The following CDCA5 variants were observed in gnomAD, a reference collection of about 807,000 sequenced individuals.
CDCA5 encodes cell division cycle associated 5.
In CDCA5, 14 loss-of-function variants were observed where a neutral mutation model predicts 25.7. That is an observed-to-expected ratio of 0.54 (90% confidence interval 0.36 to 0.85). CDCA5 has a LOEUF of 0.85. Among genes scored for constraint, CDCA5 ranks in the 40% least tolerant of loss-of-function variants. The probability of loss-of-function intolerance (pLI) is 0.01; values close to 1 mark genes in which losing one functional copy is unlikely to be tolerated. For synonymous variants in CDCA5, 127 were observed against 128.7 expected, an observed-to-expected ratio of 0.99 and a Z score of 0.09; for missense variants, 307 against 324.5, an observed-to-expected ratio of 0.95 and a Z score of 0.41.
At chr11:65,064,310 C>T (rs1267684536), downstream of CDCA5, among the ~76,000 whole-genome samples, 1 of 147,838 alleles carries the variant, frequency 6.8e-6, no homozygotes, top group Non-Finnish European at 1.5e-5. Flanking sequence ...CCCAGCTACT[C>T]GGGAGGCTGA....
At chr11:65,065,746 T>C (rs548825481), downstream of CDCA5, among the ~76,000 whole-genome samples, 3 of 151,818 alleles carry the variant, frequency 2.0e-5, no homozygotes, top group African/African-American at 4.8e-5. Flanking sequence ...TGGAGGGGGG[T>C]TGGGGGCTCC....
At chr11:65,066,731 C>T (rs1310542454) in intron 5 of CDCA5, 57 of 1,287,462 alleles carry the variant, frequency 4.4e-5, no homozygotes, top group Non-Finnish European at 5.6e-5. Context: ...TGCAGGACAA[C>T]CCGAAGCCCC....
intron 6 of CDCA5, chr11:65,066,530 G>A (rs1348712216): frequency 4.7e-6 from 6 of 1,289,206 alleles, no homozygotes; most frequent in Non-Finnish European, 4.0e-6. Context: ...TTCCCTCCCC[G>A]CTGCCATGGC....
At chr11:65,079,815 C>T in intron 4 of CDCA5, 28 bp from the exon 5 acceptor site, 1 of 1,441,544 alleles carries the variant, frequency 6.9e-7, no homozygotes, top group Non-Finnish European at 9.2e-7. Context: ...AGGGGATGCC[C>T]TCAATACTTA....
At chr11:65,068,171 A>T in intron 2 of CDCA5, 1 of 1,143,642 alleles carries the variant, frequency 8.7e-7, no homozygotes, top group Non-Finnish European at 1.2e-6. Flanking sequence ...TGCTCACCCA[A>T]GAGCCTGGGT....
rs1947501602 is a variant in CDCA5 at position 65,079,078 on chromosome 11, G to A, written c.*29C>T. On this transcript the variant is annotated 3_prime_UTR_variant, in exon 6 of 6. Coordinates refer to ENST00000275517, the MANE Select transcript of CDCA5 (RefSeq NM_080668.4). ...GGCTATGTACAGGACAGGAGGGAGA[G>A]TCTGGCCAGGTGCACCCCCCACTGC... 2.0e-6 allele frequency: 3 copies of A among 1,508,858 alleles called. No homozygotes were observed. The Admixed American group carries it at 6.9e-5, about 35-fold the overall frequency. 93.5% of individuals were successfully genotyped at this position (1,508,858 alleles called of 1,614,324 possible). A position where few individuals can be genotyped will look rare whatever the true frequency, so the allele number is the denominator to read the frequency against.
At chr11:65,082,467 T>TA in intron 4 of CDCA5, among the ~76,000 whole-genome samples, 1 of 148,868 alleles carries the variant, frequency 6.7e-6, no homozygotes, top group East Asian at 2.0e-4. Flanking sequence ...GTCTTTTTTT[T>TA]TTTTTTTTTT....
rs938276088 is a variant in CDCA5 at position 65,078,069 on chromosome 11, C to T, written c.*1038G>A. Reference sequence around the variant, plus strand: ...TTCTCATGTGAGAGGATAGGGAGGCCAAAAACTAAAATTGCTATCAGCCCC... The same window carrying T: ...TTCTCATGTGAGAGGATAGGGAGGCTAAAAACTAAAATTGCTATCAGCCCC... On this transcript the variant is annotated 3_prime_UTR_variant, in exon 6 of 6. Transcript: ENST00000275517. 1.0e-6 allele frequency: 1 copy of T among 985,172 alleles called. No individual in the cohort carries two copies. The highest frequency in any genetic ancestry group is 6.2e-5 in the Admixed American group (1 of 16,250). The allele number at this position is 985,172 out of a possible 1,614,324, so 61.0% of individuals were successfully genotyped here.
In CDCA5 at chr11:65,077,722, C is replaced by T. The variant is rs1430435145; in HGVS notation, c.*1385G>A. The T allele has an allele frequency of 2.0e-6, 2 of 985,440 alleles. No individual in the cohort carries two copies. The highest frequency in any genetic ancestry group is 2.4e-6 in the Non-Finnish European group (2 of 830,022). The allele number at this position is 985,440 out of a possible 1,614,324, so 61.0% of individuals were successfully genotyped here. On this transcript the variant is annotated 3_prime_UTR_variant, in exon 6 of 6. Transcript: ENST00000275517. ...GGGCTTGCTTGCAGGTCTGACAAAC[C>T]ACAGAGCGTTGAGCAGATGGCCTGG... is the stretch of plus-strand genomic sequence containing the variant.
chr11:65,082,931 G>A (rs1432739643), intron 4 of CDCA5, among the ~76,000 whole-genome samples: 5 of 152,028 alleles, frequency 3.3e-5, no homozygotes, highest in Non-Finnish European at 7.4e-5. Flanking sequence ...TTGACTCTAA[G>A]CCCTATCAGC....
At chr11:65,061,983 C>T (rs1262742779), downstream of CDCA5, among the ~76,000 whole-genome samples, 1 of 140,540 alleles carries the variant, frequency 7.1e-6, no homozygotes, top group African/African-American at 2.7e-5. Flanking sequence ...TGCAATGGCG[C>T]GATCTCGGCT....
At position 65,068,069 on chromosome 11, in the gene CDCA5, A is replaced by G. The variant is rs114060827; in HGVS notation, c.227T>C (p.Leu76Pro). 4.0e-4 allele frequency: 512 copies of G among 1,289,114 alleles called. 3 individuals carry two copies. In the African/African-American group the frequency reaches 7.2e-3, roughly 18 times the overall value. 79.9% of individuals were successfully genotyped at this position (1,289,114 alleles called of 1,614,324 possible). ...CTCAGTGGGCTCAGAGGTGTTCAGGAGTGTAAACAGGAACGTGACGGTGGG... is the reference window on the plus strand; with the variant it reads ...CTCAGTGGGCTCAGAGGTGTTCAGGGGTGTAAACAGGAACGTGACGGTGGG... The change falls in exon 3 of 7, where the codon CTC (leucine) becomes CCC (proline). Residue 76 changes from leucine (L) to proline (P), a missense_variant. By Grantham distance (98) the Leu-to-Pro change is moderately conservative. Transcript: ENST00000525464.
downstream of CDCA5, among the ~76,000 whole-genome samples, chr11:65,073,674 A>G (rs974280451): frequency 1.3e-5 from 2 of 152,310 alleles, no homozygotes; most frequent in African/African-American, 4.8e-5. Flanking sequence ...TAGACCAGCC[A>G]GGGTTCTGGG....
chr11:65,071,732 T>A (rs1947347167), intron 1 of CDCA5, among the ~76,000 whole-genome samples: 2 of 152,112 alleles, frequency 1.3e-5, no homozygotes, highest in Non-Finnish European at 2.9e-5. Flanking sequence ...CTGGGAGGCA[T>A]GAAAAGCTCC....
chr11:65,061,786 A>C (rs1046614902), downstream of CDCA5, among the ~76,000 whole-genome samples: 11 of 151,122 alleles, frequency 7.3e-5, no homozygotes, highest in East Asian at 5.8e-4. Context: ...AGAAAAAAAA[A>C]AAAAAAAAAC....
At chr11:65,071,464 A>G (rs1177218123) in intron 1 of CDCA5, among the ~76,000 whole-genome samples, 1 of 149,860 alleles carries the variant, frequency 6.7e-6, no homozygotes, top group East Asian at 2.0e-4. Flanking sequence ...CTCCTGCCTC[A>G]GCCTCCTGAG....
In CDCA5 at chr11:65,078,618, C is replaced by T. The variant is rs764981162; in HGVS notation, c.*489G>A. On this transcript the variant is annotated 3_prime_UTR_variant, in exon 6 of 6. Coordinates refer to ENST00000275517, the MANE Select transcript of CDCA5 (RefSeq NM_080668.4). ...TTTACAGAATCAAAGGGGAAACCCA[C>T]GGAACTGAAAACCTCTTTACACAGG... 4.1e-6 allele frequency: 4 copies of T among 987,338 alleles called. No individual in the cohort carries two copies. The highest frequency in any genetic ancestry group is 3.6e-6 in the Non-Finnish European group (3 of 831,328). 61.2% of individuals were successfully genotyped at this position (987,338 alleles called of 1,614,324 possible).
In CDCA5 at chr11:65,079,677, C is replaced by A; in HGVS notation, c.354G>T (p.Pro118=). ...VPATPTSTPV[P]NPEAESSSKE... ...TGGAGCTGGACTCGGCCTCAGGGTT[C>A]GGCACAGGAGTGCTGGTGGGGGTGG... Residue 118 remains proline, a synonymous_variant, in exon 5 of 6, where the codon CCG becomes CCT. Transcript: ENST00000275517. The A allele has an allele frequency of 1.9e-6, 3 of 1,598,776 alleles. No homozygotes were observed. The highest frequency in any genetic ancestry group is 2.6e-6 in the Non-Finnish European group (3 of 1,171,300).
exon 3 of CDCA5, chr11:65,068,097 C>T (rs907664363): frequency 7.8e-7 from 1 of 1,289,268 alleles, no homozygotes; most frequent in African/African-American, 1.5e-5. Flanking sequence ...ACGGTGGGTT[C>T]CAGTTGTTCT....
Sources: gnomAD v4.1 joint callset for allele counts (sites outside exome capture counted in the v4.1 genomes callset) on GRCh38, gnomAD v4.1.1 for gene constraint, MANE v1.5 for transcripts, NCBI Gene and HGNC (gene_info 2026-07-23, HGNC 2026-07-21) for gene names.